PDSS2: variants seen among roughly 807,000 people sequenced by gnomAD.
The protein encoded by PDSS2 is decaprenyl diphosphate synthase subunit 2.
A neutral mutation model predicts 44.5 loss-of-function variants in PDSS2; 31 were observed. The ratio of observed to expected loss-of-function variants is 0.70; its 90% CI spans 0.52 to 0.94. PDSS2 has a LOEUF of 0.94. PDSS2 is among the 40% of genes least tolerant of loss of function. The pLI is 0.00. For missense variants in PDSS2, 452 were observed against 482.2 expected (o/e 0.94, Z 0.59); for synonymous variants, 157 against 180.3 (o/e 0.87, Z 1.03).
chr6:107,154,415 A>T lies in PDSS2; in HGVS notation c.*204T>A. On this transcript the variant is annotated 3_prime_UTR_variant, in exon 8 of 8. Transcript: ENST00000369037. Reference sequence around the variant, plus strand: ...GCCTCAAGTGTGCTTCTGGCGTGACAAGTGAAAACTGCTTGACCTTTTTTT... The same window carrying T: ...GCCTCAAGTGTGCTTCTGGCGTGACTAGTGAAAACTGCTTGACCTTTTTTT... 3.6e-6 allele frequency: 2 copies of T among 552,536 alleles called. No individual in the cohort carries two copies. The highest frequency in any genetic ancestry group is 3.2e-6 in the Non-Finnish European group (1 of 309,118). 34.2% of individuals were successfully genotyped at this position (552,536 alleles called of 1,614,324 possible).
intron 2 of PDSS2, among the ~76,000 whole-genome samples, chr6:107,302,846 C>CA (rs67469482): frequency 0.51 from 71,505 of 141,016 alleles, 18,758 homozygotes; most frequent in Middle Eastern, 0.69. Context: ...AACTTACTAC[C>CA]AAAAAAAAAA....
intron 1 of PDSS2, among the ~76,000 whole-genome samples, chr6:107,444,923 T>C (rs1434344358): frequency 6.6e-6 from 1 of 152,156 alleles, no homozygotes; most frequent in Non-Finnish European, 1.5e-5. Context: ...GAGCATAGTT[T>C]TTTGAAGGCA....
chr6:107,459,282 T>G lies in PDSS2; in HGVS notation c.4A>C (p.Asn2His), dbSNP rs141282833. MNFRQLLLHLPR... is the reference protein window; with the variant it reads MHFRQLLLHLPR... ...AAGTGCAACAGCAGCTGCCGAAAGTTCATGGTTTGAGTCTGGAAGGGTCTG... is the reference window on the plus strand; with the variant it reads ...AAGTGCAACAGCAGCTGCCGAAAGTGCATGGTTTGAGTCTGGAAGGGTCTG... Residue 2 changes from asparagine to histidine, a missense_variant, in exon 1 of 8, where the codon AAC (asparagine) becomes CAC (histidine). By Grantham distance (68) the Asn-to-His change is moderately conservative. Transcript: ENST00000369037. This position sits in a 1 kb window ranked among gnomAD's most constrained non-coding sequence, Gnocchi z 4.3. The G allele has an allele frequency of 1.6e-4, 264 of 1,613,870 alleles. No individual in the cohort carries two copies. The African/African-American group carries it at 3.3e-3, about 20-fold the overall frequency.
chr6:107,334,342 A>G lies in PDSS2; in HGVS notation c.297-10T>C. The G allele has an allele frequency of 6.2e-7, 1 of 1,613,178 alleles. No individual in the cohort carries two copies. Among genetic ancestry groups the G allele is most frequent in the Non-Finnish European group, 8.5e-7 (1 of 1,179,342 alleles). ...GTCATGTACAAGCCCCCTGCCAACAAGCAAAGAAGGAAGAGGATTAATATA... is the reference window on the plus strand; with the variant it reads ...GTCATGTACAAGCCCCCTGCCAACAGGCAAAGAAGGAAGAGGATTAATATA... On this transcript the variant is annotated splice_polypyrimidine_tract_variant and intron_variant, in intron 1 of 7. Coordinates refer to ENST00000369037, the MANE Select transcript of PDSS2 (RefSeq NM_020381.4).
intron 2 of PDSS2, among the ~76,000 whole-genome samples, chr6:107,277,042 T>C (rs1226941559): frequency 6.6e-6 from 1 of 152,018 alleles, no homozygotes; most frequent in East Asian, 1.9e-4. Flanking sequence ...AGGTTTGGAG[T>C]AGTTTGTTAC....
chr6:107,171,249 C>A (rs1269405833), intron 7 of PDSS2, among the ~76,000 whole-genome samples: 4 of 151,972 alleles, frequency 2.6e-5, no homozygotes, highest in Non-Finnish European at 4.4e-5. Context: ...GTAGCCTCAA[C>A]CTCTTGGGCT....
chr6:107,387,946 A>T (rs1232964741), intron 1 of PDSS2, among the ~76,000 whole-genome samples: 1 of 152,248 alleles, frequency 6.6e-6, no homozygotes, highest in Non-Finnish European at 1.5e-5. Context: ...ACTCTCAAAG[A>T]GATTGGCATG....
intron 1 of PDSS2, among the ~76,000 whole-genome samples, chr6:107,371,572 A>G (rs1054306232): frequency 1.3e-5 from 2 of 152,156 alleles, no homozygotes; most frequent in Non-Finnish European, 2.9e-5. Context: ...GTAAATGTTA[A>G]ATGCTTCCTG....
At chr6:107,349,349 C>T (rs1191078808) in intron 1 of PDSS2, among the ~76,000 whole-genome samples, 2 of 151,954 alleles carry the variant, frequency 1.3e-5, no homozygotes, top group Non-Finnish European at 2.9e-5. Flanking sequence ...AGGAGAATGG[C>T]GTGAACCTGG....
intron 3 of PDSS2, among the ~76,000 whole-genome samples, chr6:107,247,680 A>G (rs1774666923): frequency 6.6e-6 from 1 of 152,042 alleles, no homozygotes; most frequent in Non-Finnish European, 1.5e-5. Context: ...CATTGCCTGA[A>G]ATGTTTATTT....
intron 6 of PDSS2, among the ~76,000 whole-genome samples, chr6:107,204,440 A>G (rs1222192671): frequency 6.6e-6 from 1 of 152,188 alleles, no homozygotes; most frequent in Non-Finnish European, 1.5e-5. Flanking sequence ...ATATTTTTAC[A>G]TAAACCAGTC....
chr6:107,441,559 T>A (rs1781510946), intron 1 of PDSS2, among the ~76,000 whole-genome samples: 1 of 152,196 alleles, frequency 6.6e-6, no homozygotes, highest in South Asian at 2.1e-4. Flanking sequence ...ATTAGAAGAC[T>A]GAACACAACT....
At chr6:107,384,659 C>CA (rs1018314396) in intron 1 of PDSS2, among the ~76,000 whole-genome samples, 7 of 145,280 alleles carry the variant, frequency 4.8e-5, no homozygotes, top group Admixed American at 6.8e-5. Context: ...AAAAAAAACA[C>CA]AAAAAAACAA....
intron 4 of PDSS2, among the ~76,000 whole-genome samples, chr6:107,217,911 G>T (rs926695665): frequency 1.3e-5 from 2 of 152,182 alleles, no homozygotes; most frequent in African/African-American, 4.8e-5. Flanking sequence ...CAAGCTGCCT[G>T]CTATAATCTC....
chr6:107,268,017 A>G (rs1775467563), intron 3 of PDSS2, among the ~76,000 whole-genome samples: 1 of 152,192 alleles, frequency 6.6e-6, no homozygotes, highest in Admixed American at 6.5e-5. Flanking sequence ...CCGCAGGTCT[A>G]CCTCATGAGT....
Position 107,459,238 on chromosome 6 carries a change from G to T in PDSS2, c.48C>A (p.Ala16=). The change falls in exon 1 of 8, where the codon GCC becomes GCA. Residue 16 remains alanine, a synonymous_variant. Transcript: ENST00000369037. The surrounding 1 kb of genome is among the most constrained non-coding windows in gnomAD (Gnocchi z 4.3). ...LLLHLPRYLG[A]SGSPRRLWWS... ...ACCACAGGCGACGCGGGGAACCCGA[G>T]GCTCCAAGATAACGTGGCAAGTGCA... 6.2e-7 allele frequency: 1 copy of T among 1,614,168 alleles called. No homozygotes were observed. The highest frequency in any genetic ancestry group is 1.1e-5 in the South Asian group (1 of 91,084).
At chr6:107,370,966 C>T (rs990669331) in intron 1 of PDSS2, among the ~76,000 whole-genome samples, 13 of 152,240 alleles carry the variant, frequency 8.5e-5, no homozygotes, top group Admixed American at 7.8e-4. Context: ...GGGCAGATCA[C>T]GAGGTCAGAA....
At chr6:107,206,118 C>A (rs188498933) in intron 6 of PDSS2, among the ~76,000 whole-genome samples, 38 of 152,348 alleles carry the variant, frequency 2.5e-4, no homozygotes, top group African/African-American at 8.9e-4. Flanking sequence ...GTCACCCAGG[C>A]TGGAGTGCAC....
chr6:107,169,979 G>C (rs1197992295), intron 7 of PDSS2, among the ~76,000 whole-genome samples: 1 of 152,154 alleles, frequency 6.6e-6, no homozygotes, highest in Admixed American at 6.5e-5. Flanking sequence ...ACTCTGTGCT[G>C]GGAGAACCAC....
Sources: allele counts gnomAD v4.1 joint callset (sites outside exome capture counted in the v4.1 genomes callset), GRCh38; gene constraint gnomAD v4.1.1; non-coding constraint Gnocchi (gnomAD v3.1); transcripts MANE v1.5; gene names NCBI Gene and HGNC (gene_info 2026-07-23, HGNC 2026-07-21).